The following CELF2 variants were observed in gnomAD, a reference collection of about 807,000 sequenced individuals.
CELF2 encodes CUG triplet repeat RNA-binding protein 2.
In CELF2, 8 loss-of-function variants were observed where a neutral mutation model predicts 62.6. That is an observed-to-expected ratio of 0.13 (90% CI 0.07 to 0.23). The LOEUF is 0.23. CELF2 is among the 10% of genes least tolerant of loss of function. The pLI is 1.00. For missense variants in CELF2, 333 were observed against 671.0 expected, an observed-to-expected ratio of 0.50 and a Z score of 5.56; for synonymous variants, 258 against 250.0, an observed-to-expected ratio of 1.03 and a Z score of -0.30.
At chr10:10,596,959 T>C in the CELF2 span, among the ~76,000 whole-genome samples, 1 of 152,090 alleles carries the variant, frequency 6.6e-6, no homozygotes. Flanking sequence ...CTATGGTGGT[T>C]CCTCAAGGGT....
At chr10:10,558,797 C>T in the CELF2 span, among the ~76,000 whole-genome samples, 1 of 152,136 alleles carries the variant, frequency 6.6e-6, no homozygotes, top group African/African-American at 2.4e-5. Context: ...TTATCCATTT[C>T]TTCTAGATTT....
intron 4 of CELF2, among the ~76,000 whole-genome samples, chr10:11,252,298 TA>T (rs2077387295): frequency 6.6e-6 from 1 of 152,272 alleles, no homozygotes; most frequent in African/African-American, 2.4e-5. Flanking sequence ...TTGCTCTAAA[TA>T]GCTCCTGTAG....
the CELF2 span, among the ~76,000 whole-genome samples, chr10:10,754,530 C>G: frequency 6.6e-6 from 1 of 152,132 alleles, no homozygotes; most frequent in Admixed American, 6.5e-5. Context: ...TACAAGGAAG[C>G]ATGATCAGGA....
the CELF2 span, among the ~76,000 whole-genome samples, chr10:10,780,060 A>G: frequency 1.3e-5 from 2 of 152,126 alleles, no homozygotes; most frequent in African/African-American, 2.4e-5. Context: ...TGTTCACTTT[A>G]AGTTCTGATA....
the CELF2 span, among the ~76,000 whole-genome samples, chr10:10,708,013 C>T: frequency 2.4e-4 from 36 of 152,218 alleles, no homozygotes; most frequent in Non-Finnish European, 4.3e-4. Flanking sequence ...CTTCAGAGAA[C>T]GGTGACATTT....
At chr10:11,043,305 G>A (rs779043835) in intron 1 of CELF2, among the ~76,000 whole-genome samples, 4 of 152,152 alleles carry the variant, frequency 2.6e-5, no homozygotes, top group Admixed American at 6.5e-5. Flanking sequence ...CTGACTCACC[G>A]TCACCATTCA....
chr10:10,817,139 T>C (rs572757256), intron 1 of CELF2, among the ~76,000 whole-genome samples: 1 of 152,272 alleles, frequency 6.6e-6, no homozygotes, highest in Admixed American at 6.5e-5. Flanking sequence ...AGAAAAGGAA[T>C]AGACACATCT....
At chr10:10,958,187 C>A (rs777564020) in intron 2 of CELF2, among the ~76,000 whole-genome samples, 5 of 152,190 alleles carry the variant, frequency 3.3e-5, no homozygotes, top group African/African-American at 4.8e-5. Flanking sequence ...AAAACTTGCT[C>A]AAGCATGAGG....
chr10:11,024,370 C>T (rs1220066193), intron 1 of CELF2, among the ~76,000 whole-genome samples: 1 of 152,062 alleles, frequency 6.6e-6, no homozygotes, highest in African/African-American at 2.4e-5. Flanking sequence ...TTTGGGAGGC[C>T]GAGGCAGGCG....
At chr10:10,825,950 T>C (rs971223261) in intron 1 of CELF2, among the ~76,000 whole-genome samples, 2 of 152,222 alleles carry the variant, frequency 1.3e-5, no homozygotes, top group African/African-American at 4.8e-5. Flanking sequence ...ATATTATCTA[T>C]ATCCAATGAG....
chr10:10,827,962 G>T (rs2057529313), intron 1 of CELF2, among the ~76,000 whole-genome samples: 1 of 114,964 alleles, frequency 8.7e-6, no homozygotes, highest in African/African-American at 3.3e-5. Context: ...AATCAAAACT[G>T]CAAGATACCA....
chr10:10,848,486 A>G (rs2059155077), intron 1 of CELF2, among the ~76,000 whole-genome samples: 2 of 152,230 alleles, frequency 1.3e-5, no homozygotes. Flanking sequence ...TGGGAAATTA[A>G]AGATGGGTTT....
intron 1 of CELF2, among the ~76,000 whole-genome samples, chr10:10,815,392 T>C (rs1348444166): frequency 6.6e-6 from 1 of 150,452 alleles, no homozygotes; most frequent in Non-Finnish European, 1.5e-5. Flanking sequence ...GAGTGTTTGT[T>C]TGAGAAAAAC....
intron 8 of CELF2, among the ~76,000 whole-genome samples, chr10:11,275,357 T>A (rs1233132394): frequency 6.6e-6 from 1 of 152,210 alleles, no homozygotes; most frequent in African/African-American, 2.4e-5. Flanking sequence ...GGCTGAGAAA[T>A]CCTGATTGGC....
In CELF2 at chr10:10,814,481, A is replaced by C. The variant is rs143249144; in HGVS notation, c.53+15664A>C. Among the ~76,000 whole-genome samples, 406 of 152,318 alleles carry C rather than the reference A, an allele frequency of 2.7e-3. 3 individuals are homozygous for C. Among genetic ancestry groups the C allele is most frequent in the Non-Finnish European group, 3.7e-3 (250 of 68,026 alleles). ...ATGGCTTGGATGCTAGATTGAATGC[A>C]TGTATGATCAGGCCTTCGGGCAACC... On this transcript the variant is annotated intron_variant, in intron 1 of 13. Coordinates refer to the CELF2 transcript ENST00000636488.
chr10:10,592,524 C>G, the CELF2 span, among the ~76,000 whole-genome samples: 9 of 152,316 alleles, frequency 5.9e-5, no homozygotes, highest in East Asian at 1.7e-3. Context: ...TGACACACTG[C>G]TTTGCTGGCT....
chr10:11,324,093 T>C lies in CELF2; in HGVS notation c.1295-1743T>C, dbSNP rs981354279. On this transcript the variant is annotated intron_variant, in intron 11 of 12. Coordinates refer to ENST00000633077, the MANE Select transcript of CELF2 (RefSeq NM_001326342.2). The surrounding 1 kb of genome is among the most constrained non-coding windows in gnomAD (Gnocchi z 4.7). ...CTACTTGTGTGCGTTTACTGGTCTC[T>C]CTGTTTCCTTGGTCTCTGTTGGGCA... 1.8e-4 allele frequency among the ~76,000 whole-genome samples: 27 copies of C among 152,218 alleles called. No homozygotes were observed. Among genetic ancestry groups the C allele is most frequent in the Non-Finnish European group, 4.0e-4 (27 of 68,028 alleles).
At chr10:10,785,141 A>G in the CELF2 span, among the ~76,000 whole-genome samples, 2 of 152,224 alleles carry the variant, frequency 1.3e-5, no homozygotes, top group South Asian at 2.1e-4. Context: ...AGTTACAGCC[A>G]ATCCTCACCT....
At chr10:10,858,969 T>C (rs1307853853) in intron 1 of CELF2, among the ~76,000 whole-genome samples, 1 of 152,196 alleles carries the variant, frequency 6.6e-6, no homozygotes, top group Non-Finnish European at 1.5e-5. Flanking sequence ...GTACAATTTT[T>C]AGATACCCAC....
Sources: gnomAD v4.1 joint callset for allele counts (sites outside exome capture counted in the v4.1 genomes callset) on GRCh38, gnomAD v4.1.1 for gene constraint, Gnocchi (gnomAD v3.1) non-coding constraint, MANE v1.5 for transcripts, NCBI Gene and HGNC (gene_info 2026-07-23, HGNC 2026-07-21) for gene names.